The following SLC1A5 variants were observed in gnomAD, a reference collection of about 807,000 sequenced individuals.
The protein encoded by SLC1A5 is neutral amino acid transporter B(0).
A neutral mutation model predicts 34.9 loss-of-function variants in SLC1A5; 25 were observed. The ratio of observed to expected loss-of-function variants is 0.72; its 90% CI spans 0.52 to 1.00. The LOEUF (loss-of-function observed/expected upper bound fraction) is 1.00. SLC1A5 is among the 50% of genes least tolerant of loss of function. The pLI is 0.00. For synonymous variants in SLC1A5, 351 were observed against 341.2 expected, an observed-to-expected ratio of 1.03 and a Z score of -0.32; for missense variants, 637 against 740.0, an observed-to-expected ratio of 0.86 and a Z score of 1.61.
intron 7 of SLC1A5, chr19:46,776,600 G>C (rs1239100329): frequency 5.2e-6 from 1 of 193,284 alleles, no homozygotes; most frequent in Admixed American, 5.4e-5. Context: ...TAAGGGAGGT[G>C]TGTCTGTTAT....
At chr19:46,779,084 A>G (rs1297963869) in intron 4 of SLC1A5, among the ~76,000 whole-genome samples, 176 bp from the exon 5 acceptor site, 1 of 152,104 alleles carries the variant, frequency 6.6e-6, no homozygotes, top group South Asian at 2.1e-4. Context: ...CCCCATGCCA[A>G]TCTCATGCTC....
intron 7 of SLC1A5, among the ~76,000 whole-genome samples, 169 bp from the exon 8 acceptor site, chr19:46,775,916 T>TA (rs1469956131): frequency 6.9e-5 from 10 of 144,520 alleles, no homozygotes; most frequent in African/African-American, 2.6e-4. Context: ...TTATATATAT[T>TA]TAAAAAAAAA....
intron 3 of SLC1A5, among the ~76,000 whole-genome samples, 178 bp downstream of exon 3, chr19:46,783,919 G>C (rs1464987396): frequency 6.8e-6 from 1 of 147,582 alleles, no homozygotes; most frequent in African/African-American, 2.4e-5. Context: ...TGGGCACCTG[G>C]GGTGGGAAAA....
chr19:46,775,534 G>A lies in SLC1A5; in HGVS notation c.1602C>T (p.Ala534=), dbSNP rs1262359458. 6.2e-7 allele frequency: 1 copy of A among 1,612,574 alleles called. No individual in the cohort carries two copies. Among genetic ancestry groups the A allele is most frequent in the Non-Finnish European group, 8.5e-7 (1 of 1,179,112 alleles). Residue 534 remains alanine (A), a synonymous_variant, in exon 8 of 8, where the codon GCC becomes GCT. Coordinates refer to ENST00000542575, the MANE Select transcript of SLC1A5 (RefSeq NM_005628.3). ...YRGPAGDATV[A]SEKESVM ...TTTACATGACTGATTCCTTCTCAGA[G>A]GCGACCGTGGCATCCCCTGCGGGCC...
At position 46,775,370 on chromosome 19, in the gene SLC1A5, T is replaced by C; in HGVS notation, c.*140A>G. 2.7e-6 allele frequency: 4 copies of C among 1,503,500 alleles called. No homozygotes were observed. Among genetic ancestry groups the C allele is most frequent in the East Asian group, 2.3e-5 (1 of 43,672 alleles). The allele number at this position is 1,503,500 out of a possible 1,614,324, so 93.1% of individuals were successfully genotyped here. On this transcript the variant is annotated 3_prime_UTR_variant, in exon 8 of 8. Coordinates refer to ENST00000542575, the MANE Select transcript of SLC1A5 (RefSeq NM_005628.3). ...GCAGCCAGGCATCCCAGATCTCCTG[T>C]CCTGGAGGGTGCTGGGGCCCCTGGC... is the stretch of plus-strand genomic sequence containing the variant.
At position 46,783,466 on chromosome 19, in the gene SLC1A5, C is replaced by CAAAAAAA. The variant is rs113636275; in HGVS notation, c.657+624_657+630dup. ...GGACAACAAGTACAAAATTCTGTCTCAAAAAAAAAAAAAAAAAAGAAAGAA... is the reference window on the plus strand; with the variant it reads ...GGACAACAAGTACAAAATTCTGTCTCAAAAAAAAAAAAAAAAAAAAAAAAAGAAAGAA... On this transcript the variant is annotated intron_variant, in intron 3 of 7. Transcript: ENST00000542575. Among the ~76,000 whole-genome samples the CAAAAAAA allele has an allele frequency of 1.3e-4, 13 of 99,782 alleles. 1 individual carries two copies. The highest frequency in any genetic ancestry group is 0.012 in the Middle Eastern group (2 of 166). The allele number at this position is 99,782 out of a possible 152,430, so 65.5% of individuals were successfully genotyped here.
At position 46,782,994 on chromosome 19, in the gene SLC1A5, A is replaced by T. The variant is rs188207286; in HGVS notation, c.658-445T>A. On this transcript the variant is annotated intron_variant, in intron 3 of 7. Coordinates refer to ENST00000542575, the MANE Select transcript of SLC1A5 (RefSeq NM_005628.3). ...TAATCTACTGTGGCTAGAGTAGAAT[A>T]ATCTGGGCAGGGTCACTAGTTAAGG... Among the ~76,000 whole-genome samples, 176 of 152,326 alleles carry T rather than the reference A, an allele frequency of 1.2e-3. 2 individuals carry two copies. Among genetic ancestry groups the T allele is most frequent in the Non-Finnish European group, 1.8e-3 (120 of 68,026 alleles).
chr19:46,787,256 C>A lies in SLC1A5; in HGVS notation c.566+144G>T. 1 of 1,448,320 alleles carries A rather than the reference C, an allele frequency of 6.9e-7. No homozygotes were observed. The highest frequency in any genetic ancestry group is 2.8e-5 in the Admixed American group (1 of 36,088). 89.7% of individuals were successfully genotyped at this position (1,448,320 alleles called of 1,614,324 possible). A position where few individuals can be genotyped will look rare whatever the true frequency, so the allele number is the denominator to read the frequency against. On this transcript the variant is annotated intron_variant, in intron 1 of 7. Coordinates refer to ENST00000542575, the MANE Select transcript of SLC1A5 (RefSeq NM_005628.3). This position sits in a 1 kb window ranked among gnomAD's most constrained non-coding sequence, Gnocchi z 5.2. ...AGACTCACACTCCCGAGGGCTGGAG[C>A]CTCCCCTCAATATCCTGTCGAGTTT...
At chr19:46,783,946 G>A in intron 3 of SLC1A5, 151 bp downstream of exon 3, 1 of 652,240 alleles carries the variant, frequency 1.5e-6, no homozygotes, top group Non-Finnish European at 2.8e-6. Flanking sequence ...ACAAAGTAGA[G>A]ACCTATCCAG....
chr19:46,775,156 C>T lies in SLC1A5; in HGVS notation c.*354G>A. ...AACCAGCATGGTGTTGTAACATCCC[C>T]CCAGTGGGGGCTAGAATTCCCCATG... On this transcript the variant is annotated 3_prime_UTR_variant, in exon 8 of 8. Coordinates refer to ENST00000542575, the MANE Select transcript of SLC1A5 (RefSeq NM_005628.3). 9.5e-7 allele frequency: 1 copy of T among 1,057,658 alleles called. No homozygotes were observed. The highest frequency in any genetic ancestry group is 1.1e-6 in the Non-Finnish European group (1 of 874,798). The allele number at this position is 1,057,658 out of a possible 1,614,324, so 65.5% of individuals were successfully genotyped here. A position where few individuals can be genotyped will look rare whatever the true frequency, so the allele number is the denominator to read the frequency against.
At chr19:46,782,351 A>ACCCCCCCCCCCCCACCCCCCC in intron 4 of SLC1A5, 32 bp downstream of exon 4, 1 of 256,186 alleles carries the variant, frequency 3.9e-6, no homozygotes, top group Non-Finnish European at 7.0e-6. Context: ...CTCCAACCCC[A>ACCCCCCCCCCCCCACCCCCCC]CCCACCCCCA....
intron 3 of SLC1A5, 103 bp downstream of exon 3, chr19:46,783,994 G>A: frequency 1.2e-6 from 1 of 852,460 alleles, no homozygotes; most frequent in East Asian, 2.6e-5. Context: ...GGACTGCAGA[G>A]TGTCAATCAA....
At chr19:46,781,325 G>A (rs774521812) in intron 4 of SLC1A5, among the ~76,000 whole-genome samples, 7 of 152,198 alleles carry the variant, frequency 4.6e-5, no homozygotes, top group South Asian at 2.1e-4. Flanking sequence ...AAGTCCGGGC[G>A]CGGTGGCTCA....
intron 1 of SLC1A5, chr19:46,784,873 C>G: frequency 2.2e-6 from 3 of 1,368,932 alleles, no homozygotes; most frequent in South Asian, 1.9e-5. Flanking sequence ...TCAGCTCCAC[C>G]CCATGCAGCA....
intron 1 of SLC1A5, among the ~76,000 whole-genome samples, chr19:46,785,277 A>C (rs1374467624): frequency 6.6e-6 from 1 of 152,158 alleles, no homozygotes; most frequent in Non-Finnish European, 1.5e-5. Context: ...GCTACTCTGG[A>C]GGCTGAGGTG....
Position 46,787,127 on chromosome 19 carries a change from A to T in SLC1A5, c.566+273T>A. The T allele has an allele frequency of 1.1e-6, 1 of 915,244 alleles. No homozygotes were observed. Among genetic ancestry groups the T allele is most frequent in the Non-Finnish European group, 1.5e-6 (1 of 671,700 alleles). 56.7% of individuals were successfully genotyped at this position (915,244 alleles called of 1,614,324 possible). ...CCTCCCCTCAGTGTCTTTCTCCCCT[A>T]GGCAGACCCTCCTATGTCTCCCCAA... On this transcript the variant is annotated intron_variant, in intron 1 of 7. Coordinates refer to ENST00000542575, the MANE Select transcript of SLC1A5 (RefSeq NM_005628.3). The surrounding 1 kb of genome is among the most constrained non-coding windows in gnomAD (Gnocchi z 5.2).
rs769830147 is a variant in SLC1A5, at chr19:46,787,844, G to C, written c.122C>G (p.Ser41Cys). ...QGAAAGGYCG[S>C]RDQVRRCLRA... ...AAGGCAGCGGCGCACCTGGTCCCGG[G>C]AACCGCAGTAGCCGCCTGCTGCCGC... The change falls in exon 1 of 8, where the codon TCC (serine) becomes TGC (cysteine). Residue 41 changes from serine (S) to cysteine (C), a missense_variant. By Grantham distance (112) the Ser-to-Cys change is moderately radical. Transcript: ENST00000542575. The surrounding 1 kb of genome is among the most constrained non-coding windows in gnomAD (Gnocchi z 5.2). 46 of 1,553,378 alleles carry C rather than the reference G, an allele frequency of 3.0e-5. No homozygotes were observed. Among genetic ancestry groups the C allele is most frequent in the Non-Finnish European group, 4.0e-5 (46 of 1,149,250 alleles).
Position 46,775,077 on chromosome 19 carries a change from ACACACACACACAC to A in SLC1A5, c.*420_*432del. 9.9e-7 allele frequency: 1 copy of A among 1,005,172 alleles called. No homozygotes were observed. Among genetic ancestry groups the A allele is most frequent in the East Asian group, 1.0e-4 (1 of 9,556 alleles). 62.3% of individuals were successfully genotyped at this position (1,005,172 alleles called of 1,614,324 possible). ...AACACACACACACACACACACACACACACACACACACACGTGCACACACACATCCCCCCACAAC... is the reference window on the plus strand; with the variant it reads ...AACACACACACACACACACACACACAGTGCACACACACATCCCCCCACAAC... On this transcript the variant is annotated 3_prime_UTR_variant, in exon 8 of 8. Coordinates refer to ENST00000542575, the MANE Select transcript of SLC1A5 (RefSeq NM_005628.3).
chr19:46,783,858 G>T (rs1015998971), intron 3 of SLC1A5, among the ~76,000 whole-genome samples: 2 of 151,956 alleles, frequency 1.3e-5, no homozygotes, highest in African/African-American at 4.8e-5. Context: ...AAGGGGGCAG[G>T]GAGAGGGCAG....
Sources: gnomAD v4.1 joint callset for allele counts (sites outside exome capture counted in the v4.1 genomes callset) on GRCh38, gnomAD v4.1.1 for gene constraint, Gnocchi (gnomAD v3.1) non-coding constraint, MANE v1.5 for transcripts, NCBI Gene and HGNC (gene_info 2026-07-23, HGNC 2026-07-21) for gene names.